The following NAA25 variants were observed in gnomAD, a reference collection of about 807,000 sequenced individuals.
The protein encoded by NAA25 is N-terminal acetyltransferase B complex subunit NAA25.
A neutral mutation model predicts 132.5 loss-of-function variants in NAA25; 30 were observed. The observed-to-expected ratio is 0.23, with a 90% CI of 0.17 to 0.31. The LOEUF (loss-of-function observed/expected upper bound fraction) is 0.31, where lower values mean the gene tolerates loss of function less well. Among genes scored for constraint, NAA25 ranks in the 10% least tolerant of loss-of-function variants. The pLI is 1.00. For synonymous variants in NAA25, 359 were observed against 401.9 expected (o/e 0.89, Z 1.28); for missense variants, 771 against 1,150.4 (o/e 0.67, Z 4.77).
intron 4 of NAA25, among the ~76,000 whole-genome samples, chr12:112,085,064 T>C (rs1311228669): frequency 6.6e-6 from 1 of 152,174 alleles, no homozygotes; most frequent in Non-Finnish European, 1.5e-5. Flanking sequence ...ACCCCATCTC[T>C]ACTAAAAATA....
At position 112,068,998 on chromosome 12, in the gene NAA25, G is replaced by C; in HGVS notation, c.1037-6C>G. 1.3e-6 allele frequency: 2 copies of C among 1,514,952 alleles called. No individual in the cohort carries two copies. Among genetic ancestry groups the C allele is most frequent in the East Asian group, 2.3e-5 (1 of 44,410 alleles). The allele number at this position is 1,514,952 out of a possible 1,614,324, so 93.8% of individuals were successfully genotyped here. A position where few individuals can be genotyped will look rare whatever the true frequency, so the allele number is the denominator to read the frequency against. ...CATTAATTCTTCTGGATCACCTGGGGGACGGGGAACAAAATCACTTTATTA... is the reference window on the plus strand; with the variant it reads ...CATTAATTCTTCTGGATCACCTGGGCGACGGGGAACAAAATCACTTTATTA... On this transcript the variant is annotated splice_polypyrimidine_tract_variant and splice_region_variant and intron_variant, in intron 10 of 23. Transcript: ENST00000261745.
At chr12:112,031,107 A>C (rs1310634278) in intron 23 of NAA25, among the ~76,000 whole-genome samples, 1 of 152,214 alleles carries the variant, frequency 6.6e-6, no homozygotes, top group Non-Finnish European at 1.5e-5. Context: ...AGTACAAAAT[A>C]ATACAATAAT....
At chr12:112,098,185 C>A (rs933799429) in intron 1 of NAA25, among the ~76,000 whole-genome samples, 1 of 149,628 alleles carries the variant, frequency 6.7e-6, no homozygotes, top group South Asian at 2.1e-4. Flanking sequence ...CAGAGATGAG[C>A]AACTGAAAAA....
intron 17 of NAA25, 144 bp from the exon 18 acceptor site, chr12:112,044,012 C>G: frequency 1.3e-6 from 1 of 796,984 alleles, no homozygotes; most frequent in Non-Finnish European, 1.9e-6. Flanking sequence ...ACTGCAAGCT[C>G]TGCCTCCCAG....
In NAA25 at chr12:112,033,282, A is replaced by G. The variant is rs779328530; in HGVS notation, c.2747T>C (p.Ile916Thr). 1.9e-6 allele frequency: 3 copies of G among 1,612,310 alleles called. No individual in the cohort carries two copies. The highest frequency in any genetic ancestry group is 2.5e-6 in the Non-Finnish European group (3 of 1,179,400). ...DHIKGLETHLIALKLEELILE... is the reference protein window; with the variant it reads ...DHIKGLETHLTALKLEELILE... Reference sequence around the variant, plus strand: ...AATAAGTTCTTCAAGTTTAAGTGCAATTAGATGTGTTTCAAGCCCTTTAAT... The same window carrying G: ...AATAAGTTCTTCAAGTTTAAGTGCAGTTAGATGTGTTTCAAGCCCTTTAAT... Residue 916 changes from isoleucine to threonine, a missense_variant, in exon 23 of 24, where the codon ATT becomes ACT. Physicochemically the swap from Ile to Thr is moderately conservative, Grantham distance 89. Coordinates refer to ENST00000261745, the MANE Select transcript of NAA25 (RefSeq NM_024953.4).
chr12:112,090,662 AAC>A, intron 3 of NAA25, 62 bp downstream of exon 3: 5 of 1,541,718 alleles, frequency 3.2e-6, no homozygotes, highest in Non-Finnish European at 4.4e-6. Context: ...GACAAGGGCA[AAC>A]AGTCAGAAAT....
At chr12:112,058,666 T>G (rs1473369923) in intron 13 of NAA25, among the ~76,000 whole-genome samples, 1 of 152,142 alleles carries the variant, frequency 6.6e-6, no homozygotes, top group Non-Finnish European at 1.5e-5. Flanking sequence ...GGCTCACGCC[T>G]GAATCCCAGC....
At chr12:112,079,882 A>G (rs2078945345) in intron 5 of NAA25, among the ~76,000 whole-genome samples, 1 of 152,154 alleles carries the variant, frequency 6.6e-6, no homozygotes, top group Non-Finnish European at 1.5e-5. Flanking sequence ...GTAATATCAA[A>G]CATTTCAAGG....
chr12:112,108,674 C>G (rs753680280), intron 1 of NAA25, 42 bp downstream of exon 1: 11 of 1,434,914 alleles, frequency 7.7e-6, no homozygotes, highest in Non-Finnish European at 1.0e-5. Context: ...CGGCAGCCCT[C>G]GGCGCGTCGG....
At chr12:112,047,899 G>A in intron 16 of NAA25, 109 bp from the exon 17 acceptor site, 1 of 1,165,548 alleles carries the variant, frequency 8.6e-7, no homozygotes, top group Non-Finnish European at 1.2e-6. Flanking sequence ...GGAAGGAAGG[G>A]CTCATAATAA....
At chr12:112,055,763 T>C (rs191901901) in intron 13 of NAA25, among the ~76,000 whole-genome samples, 1 of 152,150 alleles carries the variant, frequency 6.6e-6, no homozygotes, top group African/African-American at 2.4e-5. Flanking sequence ...AAGAGTGCTT[T>C]TGAGGTCCAA....
chr12:112,039,567 G>A, intron 21 of NAA25: 1 of 306,604 alleles, frequency 3.3e-6, no homozygotes, highest in Non-Finnish European at 6.0e-6. Flanking sequence ...ATTTCTTCTG[G>A]CTCTCCTAGC....
At chr12:112,103,268 T>C (rs1389458260) in intron 1 of NAA25, among the ~76,000 whole-genome samples, 2 of 152,234 alleles carry the variant, frequency 1.3e-5, no homozygotes, top group African/African-American at 4.8e-5. Context: ...ATTACAAGCA[T>C]GAGCCACCTC....
chr12:112,056,739 T>C (rs76609627), intron 13 of NAA25, among the ~76,000 whole-genome samples: 470 of 152,316 alleles, frequency 3.1e-3, no homozygotes, highest in Non-Finnish European at 5.9e-3. Context: ...TATCACTGAC[T>C]TCAAGAAGCC....
chr12:112,081,206 C>T (rs2078969693), intron 4 of NAA25, 72 bp from the exon 5 acceptor site: 1 of 1,278,112 alleles, frequency 7.8e-7, no homozygotes, highest in Non-Finnish European at 1.1e-6. Context: ...AGATACACGA[C>T]AAAAAGTTTC....
At chr12:112,108,314 C>A (rs968700298) in intron 1 of NAA25, among the ~76,000 whole-genome samples, 27 of 152,356 alleles carry the variant, frequency 1.8e-4, no homozygotes, top group African/African-American at 6.5e-4. Context: ...AAAAAAAAAT[C>A]TCTGGTAGGG....
chr12:112,070,794 T>C (rs1417510415), intron 10 of NAA25, among the ~76,000 whole-genome samples: 1 of 152,184 alleles, frequency 6.6e-6, no homozygotes, highest in Non-Finnish European at 1.5e-5. Flanking sequence ...TCACCCAGGC[T>C]AGAGTGCAGC....
intron 18 of NAA25, 113 bp downstream of exon 18, chr12:112,043,512 C>A: frequency 8.1e-7 from 1 of 1,233,474 alleles, no homozygotes; most frequent in East Asian, 2.4e-5. Context: ...CTGCAGAAGC[C>A]ATAAACTGGG....
chr12:112,047,853 CA>C lies in NAA25; in HGVS notation c.1881-64del, dbSNP rs919560277. ...AAAATAGCCAGAAAATATTATTAAT[CA>C]GGACTTCCTGTTTTACTAGACAGGA... On this transcript the variant is annotated intron_variant, in intron 16 of 23. Coordinates refer to ENST00000261745, the MANE Select transcript of NAA25 (RefSeq NM_024953.4). 8 of 1,474,646 alleles carry C rather than the reference CA, an allele frequency of 5.4e-6. No homozygotes were observed. In the African/African-American group the frequency reaches 9.9e-5, roughly 18 times the overall value. 91.3% of individuals were successfully genotyped at this position (1,474,646 alleles called of 1,614,324 possible). A position where few individuals can be genotyped will look rare whatever the true frequency, so the allele number is the denominator to read the frequency against.
Sources: gnomAD v4.1 joint callset for allele counts (sites outside exome capture counted in the v4.1 genomes callset) on GRCh38, gnomAD v4.1.1 for gene constraint, MANE v1.5 for transcripts, NCBI Gene and HGNC (gene_info 2026-07-23, HGNC 2026-07-21) for gene names.